Variants in LRRC8E observed in about 807,000 individuals in gnomAD.
The protein encoded by LRRC8E is volume-regulated anion channel subunit LRRC8E.
LRRC8E carries 6 observed loss-of-function variants against 6.1 expected under a neutral mutation model. The observed-to-expected ratio is 0.98, with a 90% CI of 0.54 to 1.93. LRRC8E has a LOEUF of 1.93. LRRC8E is among the 30% of genes most tolerant of loss of function. The pLI is 0.01. For missense variants in LRRC8E, 1,028 were observed against 1,031.4 expected, an observed-to-expected ratio of 1.00 and a Z score of 0.04; for synonymous variants, 485 against 472.8, an observed-to-expected ratio of 1.03 and a Z score of -0.33.
intron 1 of LRRC8E, among the ~76,000 whole-genome samples, chr19:7,889,233 C>T (rs933661896): frequency 6.6e-6 from 1 of 152,038 alleles, no homozygotes; most frequent in African/African-American, 2.4e-5. Context: ...GGGCAGGTCA[C>T]CTGAGGTCAG....
In LRRC8E at chr19:7,901,132, G is replaced by A. The variant is rs1981993000; in HGVS notation, c.*219G>A. ...AGCTGGGGTGGAACCTGGTATGGAGGGATTAACTCAGTCATGGCATTCTCC... is the reference window on the plus strand; with the variant it reads ...AGCTGGGGTGGAACCTGGTATGGAGAGATTAACTCAGTCATGGCATTCTCC... On this transcript the variant is annotated 3_prime_UTR_variant, in exon 3 of 3. Coordinates refer to ENST00000306708, the MANE Select transcript of LRRC8E (RefSeq NM_025061.6). 2 of 458,792 alleles carry A rather than the reference G, an allele frequency of 4.4e-6. No homozygotes were observed. The highest frequency in any genetic ancestry group is 7.7e-6 in the Non-Finnish European group (2 of 261,348). The allele number at this position is 458,792 out of a possible 1,614,324, so 28.4% of individuals were successfully genotyped here.
At position 7,900,999 on chromosome 19, in the gene LRRC8E, A is replaced by C. The variant is rs1429602239; in HGVS notation, c.*86A>C. 6.1e-6 allele frequency: 4 copies of C among 660,252 alleles called. No individual in the cohort carries two copies. The African/African-American group carries it at 6.2e-5, about 10-fold the overall frequency. 40.9% of individuals were successfully genotyped at this position (660,252 alleles called of 1,614,324 possible). The stretch of plus-strand genomic sequence containing the variant: ...CATTGTCTTCCAAGATAGGAAGCCA[A>C]GTGGGTCCAGGCCAGGAGATGGGGG... On this transcript the variant is annotated 3_prime_UTR_variant, in exon 3 of 3. Transcript: ENST00000306708. This position sits in a 1 kb window ranked among gnomAD's most constrained non-coding sequence, Gnocchi z 5.0.
At position 7,895,637 on chromosome 19, in the gene LRRC8E, G is replaced by T; in HGVS notation, c.34G>T (p.Glu12Ter). ...IPVAEFKQFT[E>*]QQPAFKVLKP... Reference sequence around the variant, plus strand: ...AGTGGCCGAGTTCAAGCAGTTCACGGAACAGCAGCCTGCGTTCAAGGTGCT... The same window carrying T: ...AGTGGCCGAGTTCAAGCAGTTCACGTAACAGCAGCCTGCGTTCAAGGTGCT... Residue 12 changes from glutamate to a stop codon, truncating the protein, a stop_gained, in exon 2 of 3, where the codon GAA (glutamate) becomes TAA (stop). Transcript: ENST00000306708. LOFTEE classifies it high-confidence loss of function. This position sits in a 1 kb window ranked among gnomAD's most constrained non-coding sequence, Gnocchi z 4.7. 1 of 1,614,098 alleles carries T rather than the reference G, an allele frequency of 6.2e-7. No individual in the cohort carries two copies. The highest frequency in any genetic ancestry group is 1.1e-5 in the South Asian group (1 of 91,080).
rs767820002 is a variant in LRRC8E at position 7,900,546 on chromosome 19, G to A, written c.2024G>A (p.Cys675Tyr). The A allele has an allele frequency of 2.5e-6, 4 of 1,613,134 alleles. No homozygotes were observed. The highest frequency in any genetic ancestry group is 3.4e-6 in the Non-Finnish European group (4 of 1,180,030). Residue 675 changes from cysteine (C) to tyrosine (Y), a missense_variant, in exon 3 of 3, where the codon TGC (cysteine) becomes TAC (tyrosine). Coordinates refer to ENST00000306708, the MANE Select transcript of LRRC8E (RefSeq NM_025061.6). This position sits in a 1 kb window ranked among gnomAD's most constrained non-coding sequence, Gnocchi z 5.0. ...LETLPSQLGLCSGLRLLDVSH... is the reference protein window; with the variant it reads ...LETLPSQLGLYSGLRLLDVSH... ...ACCCTGCCCTCCCAGCTCGGCCTGT[G>A]CTCAGGCCTCCGTCTGCTGGATGTG... is the stretch of plus-strand genomic sequence containing the variant.
In LRRC8E at chr19:7,899,990, C is replaced by A. The variant is rs372842190; in HGVS notation, c.1468C>A (p.Arg490Ser). ...CCTGCGGGACCACCTGAAGGTGATG[C>A]GCGTCAAATGCGAGGAGCTCCGCGA... Reference protein sequence around the residue: ...VFLRDHLKVMRVKCEELREVP... With the variant: ...VFLRDHLKVMSVKCEELREVP... The change falls in exon 3 of 3, where the codon CGC (arginine) becomes AGC (serine). Residue 490 changes from arginine to serine, a missense_variant. Transcript: ENST00000306708. The A allele has an allele frequency of 6.2e-6, 10 of 1,608,808 alleles. No individual in the cohort carries two copies. Among genetic ancestry groups the A allele is most frequent in the Non-Finnish European group, 6.8e-6 (8 of 1,179,366 alleles).
At chr19:7,894,258 C>G (rs1224544051) in intron 1 of LRRC8E, among the ~76,000 whole-genome samples, 1 of 152,198 alleles carries the variant, frequency 6.6e-6, no homozygotes, top group Non-Finnish European at 1.5e-5. Context: ...TGGAGTCTCA[C>G]TCTGTCACCC....
Position 7,899,187 on chromosome 19 carries a change from T to C in LRRC8E, c.665T>C (p.Leu222Pro). The C allele has an allele frequency of 6.2e-7, 1 of 1,614,156 alleles. No individual in the cohort carries two copies. Among genetic ancestry groups the C allele is most frequent in the African/African-American group, 1.3e-5 (1 of 75,048 alleles). Reference protein sequence around the residue: ...KVVTEPPVVTLLDKKEGEQAK... With the variant: ...KVVTEPPVVTPLDKKEGEQAK... The stretch of plus-strand genomic sequence containing the variant: ...GTGACCGAGCCTCCAGTTGTCACCC[T>C]GTTGGACAAGAAGGAGGGTGAGCAA... Residue 222 changes from leucine to proline, a missense_variant, in exon 3 of 3, where the codon CTG becomes CCG. Transcript: ENST00000306708.
At chr19:7,890,751 T>C (rs1209809980) in intron 1 of LRRC8E, among the ~76,000 whole-genome samples, 3 of 151,406 alleles carry the variant, frequency 2.0e-5, no homozygotes, top group Admixed American at 1.3e-4. Context: ...ATCACACCAC[T>C]GCACTCCAGC....
chr19:7,899,865 G>T lies in LRRC8E; in HGVS notation c.1343G>T (p.Cys448Phe). The T allele has an allele frequency of 6.2e-7, 1 of 1,606,282 alleles. No individual in the cohort carries two copies. The highest frequency in any genetic ancestry group is 8.5e-7 in the Non-Finnish European group (1 of 1,179,978). Residue 448 changes from cysteine (C) to phenylalanine (F), a missense_variant, in exon 3 of 3, where the codon TGC becomes TTC. By Grantham distance (205) the Cys-to-Phe change is radical. Transcript: ENST00000306708. ...EVESLRLEAI[C>F]DITFPPGLSQ... is the part of the protein sequence containing the mutation. ...GAGTCACTCAGGCTGGAGGCCATCT[G>T]CGATATCACCTTCCCCCCGGGGCTG...
Position 7,899,192 on chromosome 19 carries a change from G to A in LRRC8E, c.670G>A (p.Asp224Asn). The A allele has an allele frequency of 6.2e-7, 1 of 1,614,186 alleles. No individual in the cohort carries two copies. The highest frequency in any genetic ancestry group is 8.5e-7 in the Non-Finnish European group (1 of 1,180,038). Reference sequence around the variant, plus strand: ...CGAGCCTCCAGTTGTCACCCTGTTGGACAAGAAGGAGGGTGAGCAAGCCAA... The same window carrying A: ...CGAGCCTCCAGTTGTCACCCTGTTGAACAAGAAGGAGGGTGAGCAAGCCAA... ...VTEPPVVTLL[D>N]KKEGEQAKAL... Residue 224 changes from aspartate (D) to asparagine (N), a missense_variant, in exon 3 of 3, where the codon GAC (aspartate) becomes AAC (asparagine). Coordinates refer to ENST00000306708, the MANE Select transcript of LRRC8E (RefSeq NM_025061.6).
In LRRC8E at chr19:7,900,753, TCA is replaced by T. The variant is rs1354481416; in HGVS notation, c.2232_2233del (p.Arg745SerfsTer61). 3 of 1,611,768 alleles carry T rather than the reference TCA, an allele frequency of 1.9e-6. No individual in the cohort carries two copies. Among genetic ancestry groups the T allele is most frequent in the Middle Eastern group, 1.7e-4 (1 of 6,058 alleles). ...CAGCTCTCGCCCCACGTGGGTGCCC[TCA>T]GAGCCCTCAGCCGCCTGGAGCTCAA... is the stretch of plus-strand genomic sequence containing the variant. On this transcript the variant is annotated frameshift_variant, in exon 3 of 3. Transcript: ENST00000306708. LOFTEE classifies it low-confidence loss of function (END_TRUNC). The surrounding 1 kb of genome is among the most constrained non-coding windows in gnomAD (Gnocchi z 5.0).
Position 7,901,136 on chromosome 19 carries a change from T to G in LRRC8E, c.*223T>G. 5 of 439,518 alleles carry G rather than the reference T, an allele frequency of 1.1e-5. No homozygotes were observed. Among genetic ancestry groups the G allele is most frequent in the Non-Finnish European group, 1.2e-5 (3 of 248,680 alleles). 27.2% of individuals were successfully genotyped at this position (439,518 alleles called of 1,614,324 possible). The stretch of plus-strand genomic sequence containing the variant: ...GGGGTGGAACCTGGTATGGAGGGAT[T>G]AACTCAGTCATGGCATTCTCCGACC... On this transcript the variant is annotated 3_prime_UTR_variant, in exon 3 of 3. Coordinates refer to ENST00000306708, the MANE Select transcript of LRRC8E (RefSeq NM_025061.6).
rs756240021 is a variant in LRRC8E, at chr19:7,898,861, G to C, written c.339G>C (p.Trp113Cys). The C allele has an allele frequency of 6.2e-7, 1 of 1,614,228 alleles. No individual in the cohort carries two copies. Among genetic ancestry groups the C allele is most frequent in the Admixed American group, 1.7e-5 (1 of 60,022 alleles). Residue 113 changes from tryptophan (W) to cysteine (C), a missense_variant, in exon 3 of 3, where the codon TGG becomes TGC. Physicochemically the swap from Trp to Cys is radical, Grantham distance 215. Transcript: ENST00000306708. Reference protein sequence around the residue: ...NQLCYETALHWYAKYFPYLVV... With the variant: ...NQLCYETALHCYAKYFPYLVV... ...TGTGTTATGAGACGGCCCTGCACTG[G>C]TATGCCAAGTACTTCCCTTACCTCG... is the stretch of plus-strand genomic sequence containing the variant.
rs202083586 is a variant in LRRC8E at position 7,899,066 on chromosome 19, C to T, written c.544C>T (p.Arg182Trp). ...ENQKGPAATERAAATIVAMAG... is the reference protein window; with the variant it reads ...ENQKGPAATEWAAATIVAMAG... ...CCAGAAGGGCCCAGCAGCCACCGAA[C>T]GGGCTGCGGCCACCATAGTGGCCAT... Residue 182 changes from arginine (R) to tryptophan (W), a missense_variant, in exon 3 of 3, where the codon CGG becomes TGG. Arg to Trp is a moderately radical substitution (Grantham distance 101). Transcript: ENST00000306708. The T allele has an allele frequency of 3.0e-5, 49 of 1,612,536 alleles. No homozygotes were observed. The highest frequency in any genetic ancestry group is 3.3e-4 in the Middle Eastern group (2 of 6,082).
intron 1 of LRRC8E, among the ~76,000 whole-genome samples, chr19:7,894,787 C>A (rs765889858): frequency 6.6e-6 from 1 of 152,216 alleles, no homozygotes; most frequent in Non-Finnish European, 1.5e-5. Flanking sequence ...CAGAGTGGGC[C>A]GGCCAGGAGC....
At chr19:7,894,748 T>C (rs1981488302) in intron 1 of LRRC8E, among the ~76,000 whole-genome samples, 1 of 152,206 alleles carries the variant, frequency 6.6e-6, no homozygotes, top group Admixed American at 6.5e-5. Flanking sequence ...TAGTGATAGC[T>C]TGGTCTAAAA....
rs1981524533 is a variant in LRRC8E, at chr19:7,895,395, G to A, written c.-5-204G>A. 3 of 603,442 alleles carry A rather than the reference G, an allele frequency of 5.0e-6. No individual in the cohort carries two copies. The highest frequency in any genetic ancestry group is 2.0e-5 in the South Asian group (1 of 50,556). 37.4% of individuals were successfully genotyped at this position (603,442 alleles called of 1,614,324 possible). Reference sequence around the variant, plus strand: ...CCCAGAGGGGAACAGTGGCCGCTTGGTTCTGGGCAGGTGGTGACGTCTGCA... The same window carrying A: ...CCCAGAGGGGAACAGTGGCCGCTTGATTCTGGGCAGGTGGTGACGTCTGCA... On this transcript the variant is annotated intron_variant, in intron 1 of 2. Transcript: ENST00000306708. This position sits in a 1 kb window ranked among gnomAD's most constrained non-coding sequence, Gnocchi z 4.7.
In LRRC8E at chr19:7,899,669, G is replaced by T. The variant is rs761521574; in HGVS notation, c.1147G>T (p.Val383Phe). The change falls in exon 3 of 3, where the codon GTC (valine) becomes TTC (phenylalanine). Residue 383 changes from valine to phenylalanine, a missense_variant. Physicochemically the swap from Val to Phe is conservative, Grantham distance 50. Transcript: ENST00000306708. ...YDSLYSKRFAVFLSEVSESRL... is the reference protein window; with the variant it reads ...YDSLYSKRFAFFLSEVSESRL... The stretch of plus-strand genomic sequence containing the variant: ...CTCCCTCTACTCCAAGCGCTTCGCC[G>T]TCTTCCTGTCCGAGGTCAGCGAAAG... The T allele has an allele frequency of 6.2e-7, 1 of 1,613,674 alleles. No homozygotes were observed. The highest frequency in any genetic ancestry group is 1.1e-5 in the South Asian group (1 of 91,084).
chr19:7,897,171 TC>T (rs1371359245), intron 2 of LRRC8E, among the ~76,000 whole-genome samples: 2 of 125,030 alleles, frequency 1.6e-5, no homozygotes, highest in African/African-American at 6.1e-5. Flanking sequence ...TTTTTCTTTT[TC>T]TTTTTCTTTT....
Sources: gnomAD v4.1 joint callset for allele counts (sites outside exome capture counted in the v4.1 genomes callset) on GRCh38, gnomAD v4.1.1 for gene constraint, Gnocchi (gnomAD v3.1) non-coding constraint, MANE v1.5 for transcripts, NCBI Gene and HGNC (gene_info 2026-07-23, HGNC 2026-07-21) for gene names.